GSE1: variants seen among roughly 807,000 people sequenced by gnomAD.
GSE1 encodes genetic suppressor element 1.
In GSE1, 32 loss-of-function variants were observed where a neutral mutation model predicts 112.6. The ratio of observed to expected loss-of-function variants is 0.28; its 90% CI spans 0.21 to 0.38. The LOEUF (loss-of-function observed/expected upper bound fraction) is 0.38. GSE1 is among the 10% of genes least tolerant of loss of function. The pLI is 1.00. For missense variants in GSE1, 2,348 were observed against 1,699.2 expected (o/e 1.38, Z -6.71); for synonymous variants, 1,115 against 735.6 (o/e 1.52, Z -8.35).
chr16:85,453,977 G>A (rs1470920431), intron 2 of GSE1, among the ~76,000 whole-genome samples: 1 of 152,150 alleles, frequency 6.6e-6, no homozygotes, highest in Non-Finnish European at 1.5e-5. Context: ...AGGTCCTCAT[G>A]CCCCAGGAAG....
At chr16:85,513,943 C>T (rs943505096) in intron 2 of GSE1, among the ~76,000 whole-genome samples, 3 of 152,154 alleles carry the variant, frequency 2.0e-5, no homozygotes, top group South Asian at 2.1e-4. Context: ...TGCATTTCTG[C>T]TCCCAGGTGG....
intron 2 of GSE1, among the ~76,000 whole-genome samples, chr16:85,644,840 C>A (rs951695300): frequency 8.3e-6 from 1 of 120,434 alleles, no homozygotes; most frequent in African/African-American, 3.6e-5. Flanking sequence ...ACCCAAGAGC[C>A]ATGGAGGTTC....
intron 2 of GSE1, among the ~76,000 whole-genome samples, chr16:85,444,088 G>A (rs973194292): frequency 3.5e-5 from 5 of 144,758 alleles, no homozygotes; most frequent in African/African-American, 1.0e-4. Context: ...GGGTTCAAGC[G>A]ATTCTCCTGC....
intron 1 of GSE1, among the ~76,000 whole-genome samples, chr16:85,246,689 G>A (rs543031921): frequency 4.0e-5 from 6 of 151,536 alleles, no homozygotes; most frequent in African/African-American, 7.2e-5. Context: ...TCCCACCCTC[G>A]GAGGCCCCAG....
chr16:85,305,476 T>TG lies in GSE1; in HGVS notation c.2284-51987_2284-51986insG, dbSNP rs1169442615. Reference sequence around the variant, plus strand: ...CATCAGTTTTTTGTTGTTTTTTTTTTTTTGTTTGTTTGTTTTGTTTTTGAG... The same window carrying TG: ...CATCAGTTTTTTGTTGTTTTTTTTTTGTTTGTTTGTTTGTTTTGTTTTTGAG... On this transcript the variant is annotated intron_variant, in intron 1 of 2. Coordinates refer to the GSE1 transcript ENST00000637419. Among the ~76,000 whole-genome samples the TG allele has an allele frequency of 4.0e-5, 6 of 151,586 alleles. No individual in the cohort carries two copies. The South Asian group carries it at 1.0e-3, about 26-fold the overall frequency.
chr16:85,268,319 C>T (rs1188309558), intron 1 of GSE1, among the ~76,000 whole-genome samples: 1 of 152,124 alleles, frequency 6.6e-6, no homozygotes, highest in Non-Finnish European at 1.5e-5. Context: ...CAGTCCTCCT[C>T]CTGATAATGA....
At chr16:85,343,442 T>G (rs1347345176) in intron 1 of GSE1, among the ~76,000 whole-genome samples, 1 of 152,134 alleles carries the variant, frequency 6.6e-6, no homozygotes, top group Non-Finnish European at 1.5e-5. Flanking sequence ...CAAACAAATC[T>G]GCAGGTATCT....
chr16:85,609,089 A>G (rs1243194478), upstream of GSE1, among the ~76,000 whole-genome samples: 1 of 152,186 alleles, frequency 6.6e-6, no homozygotes, highest in East Asian at 1.9e-4. Flanking sequence ...ACCCCTGAGC[A>G]CCTGACGTGG....
At chr16:85,493,630 G>A (rs1474368707) in intron 2 of GSE1, among the ~76,000 whole-genome samples, 4 of 152,034 alleles carry the variant, frequency 2.6e-5, no homozygotes, top group Non-Finnish European at 4.4e-5. Flanking sequence ...GCACATGCCT[G>A]TCATCCCAGC....
chr16:85,620,751 G>T (rs1480272371), intron 1 of GSE1, among the ~76,000 whole-genome samples: 1 of 152,246 alleles, frequency 6.6e-6, no homozygotes, highest in Non-Finnish European at 1.5e-5. Flanking sequence ...TCTCTGCACT[G>T]TTCTCAGCCC....
chr16:85,609,733 C>T (rs1013126284), upstream of GSE1, among the ~76,000 whole-genome samples: 8 of 152,212 alleles, frequency 5.3e-5, no homozygotes, highest in East Asian at 9.7e-4. Context: ...CAGCTCACTG[C>T]GACCTCTGCC....
chr16:85,585,320 A>G (rs896868984), intron 1 of GSE1, among the ~76,000 whole-genome samples: 1 of 152,134 alleles, frequency 6.6e-6, no homozygotes, highest in Admixed American at 6.5e-5. Flanking sequence ...GGATGGCTCC[A>G]AGCCCTGCCC....
intron 10 of GSE1, 85 bp downstream of exon 10, chr16:85,663,178 C>A (rs1406313766): frequency 1.6e-6 from 2 of 1,246,302 alleles, no homozygotes; most frequent in Non-Finnish European, 2.3e-6. Flanking sequence ...CCCACTGTTG[C>A]TAGGTTCCTC....
At chr16:85,658,789 G>A (rs748091399) in intron 8 of GSE1, among the ~76,000 whole-genome samples, 3 of 148,598 alleles carry the variant, frequency 2.0e-5, no homozygotes, top group Non-Finnish European at 4.5e-5. Context: ...AGGGTGCCCT[G>A]ACTCCTGTAG....
chr16:85,217,177 T>C (rs1302638849), intron 1 of GSE1, among the ~76,000 whole-genome samples: 2 of 152,192 alleles, frequency 1.3e-5, no homozygotes, highest in African/African-American at 4.8e-5. Context: ...TGGGCGGGTG[T>C]CAAGCTCCCT....
At chr16:85,459,868 G>T (rs989815469) in intron 2 of GSE1, among the ~76,000 whole-genome samples, 1 of 152,308 alleles carries the variant, frequency 6.6e-6, no homozygotes, top group South Asian at 2.1e-4. Flanking sequence ...GGTTGCTGAC[G>T]CCCAGGGAAG....
chr16:85,487,362 A>C (rs1429948187), intron 2 of GSE1, among the ~76,000 whole-genome samples: 13 of 151,998 alleles, frequency 8.6e-5, no homozygotes. Context: ...TGCAGAACTG[A>C]GCTCTGGGGT....
chr16:85,408,913 C>G (rs1340846377), intron 2 of GSE1, among the ~76,000 whole-genome samples: 13 of 4,540 alleles, frequency 2.9e-3, no homozygotes, highest in Non-Finnish European at 3.9e-3. Flanking sequence ...ACACTCAGGC[C>G]CCCCTGGATA....
At chr16:85,576,788 T>G (rs1012954631) in intron 1 of GSE1, among the ~76,000 whole-genome samples, 1 of 152,204 alleles carries the variant, frequency 6.6e-6, no homozygotes, top group Non-Finnish European at 1.5e-5. Flanking sequence ...ACTGATGCCC[T>G]GGTGTGTCCT....
Sources: gnomAD v4.1 joint callset for allele counts (sites outside exome capture counted in the v4.1 genomes callset) on GRCh38, gnomAD v4.1.1 for gene constraint, MANE v1.5 for transcripts, NCBI Gene and HGNC (gene_info 2026-07-23, HGNC 2026-07-21) for gene names.